NTN1: variants seen among roughly 807,000 people sequenced by gnomAD.
The protein encoded by NTN1 is netrin-1.
NTN1 carries 11 observed loss-of-function variants against 54.2 expected under a neutral mutation model. The observed-to-expected ratio is 0.20, with a 90% CI of 0.13 to 0.34. NTN1 has a LOEUF of 0.34. NTN1 is among the 10% of genes least tolerant of loss of function. The pLI is 1.00. For missense variants in NTN1, 740 were observed against 893.1 expected, an observed-to-expected ratio of 0.83 and a Z score of 2.18; for synonymous variants, 371 against 382.0, an observed-to-expected ratio of 0.97 and a Z score of 0.33.
chr17:9,011,498 T>A, the NTN1 span, among the ~76,000 whole-genome samples: 4,928 of 152,286 alleles, frequency 0.032, 240 homozygotes, highest in African/African-American at 0.11. Flanking sequence ...AATTTCTCCA[T>A]CTCAAGACCC....
At chr17:9,022,265 A>C in intron 1 of NTN1, 46 bp from the exon 2 acceptor site, 1 of 1,165,130 alleles carries the variant, frequency 8.6e-7, no homozygotes, top group Non-Finnish European at 1.1e-6. Context: ...CGAGAGCTGG[A>C]GGGCGCGGGG....
intron 2 of NTN1, among the ~76,000 whole-genome samples, chr17:9,080,202 CGTA>C: frequency 6.6e-6 from 1 of 152,350 alleles, no homozygotes; most frequent in Admixed American, 6.5e-5. Context: ...CAATGACCTT[CGTA>C]GCTAAATGCA....
Position 9,242,618 on chromosome 17 carries a change from T to G in NTN1, c.*2650T>G, listed in dbSNP as rs1195828594. Reference sequence around the variant, plus strand: ...TTCAGCCAGTGTCCTGCCCCTCCCTTCGGCTCAGCACCCCGCAGGGCACAG... The same window carrying G: ...TTCAGCCAGTGTCCTGCCCCTCCCTGCGGCTCAGCACCCCGCAGGGCACAG... On this transcript the variant is annotated 3_prime_UTR_variant, in exon 7 of 7. Coordinates refer to ENST00000173229, the MANE Select transcript of NTN1 (RefSeq NM_004822.3). The G allele has an allele frequency of 6.6e-6, 1 of 152,302 alleles. No individual in the cohort carries two copies. The highest frequency in any genetic ancestry group is 1.5e-5 in the Non-Finnish European group (1 of 68,086). 9.4% of individuals were successfully genotyped at this position (152,302 alleles called of 1,614,324 possible).
intron 2 of NTN1, among the ~76,000 whole-genome samples, chr17:9,150,142 G>T (rs548629733): frequency 6.6e-6 from 1 of 152,308 alleles, no homozygotes; most frequent in South Asian, 2.1e-4. Flanking sequence ...GGCAGAGGTT[G>T]CAGTGAGCCA....
intron 2 of NTN1, among the ~76,000 whole-genome samples, chr17:9,034,841 C>T (rs894426717): frequency 1.3e-5 from 2 of 152,202 alleles, no homozygotes; most frequent in Admixed American, 6.5e-5. Flanking sequence ...AACCAGCACC[C>T]GCATCAAGAA....
intron 4 of NTN1, among the ~76,000 whole-genome samples, chr17:9,181,455 G>A (rs2092418837): frequency 6.6e-6 from 1 of 152,310 alleles, no homozygotes; most frequent in Non-Finnish European, 1.5e-5. Flanking sequence ...CCATTCAGAT[G>A]TTGCCTCCAG....
At chr17:9,231,876 C>T (rs1195943157) in intron 6 of NTN1, among the ~76,000 whole-genome samples, 2 of 152,196 alleles carry the variant, frequency 1.3e-5, no homozygotes, top group African/African-American at 4.8e-5. Flanking sequence ...GAGGCTGGGC[C>T]CCCATTGCTG....
intron 2 of NTN1, among the ~76,000 whole-genome samples, chr17:9,098,722 G>T (rs1366475790): frequency 2.6e-5 from 4 of 152,300 alleles, no homozygotes; most frequent in African/African-American, 9.6e-5. Context: ...GTGAGATGCT[G>T]CTGGGAATGT....
At chr17:9,125,464 A>G (rs752345033) in intron 2 of NTN1, among the ~76,000 whole-genome samples, 4 of 151,924 alleles carry the variant, frequency 2.6e-5, no homozygotes, top group Non-Finnish European at 4.4e-5. Context: ...CTGACCTCAG[A>G]TGATCCGTCT....
At chr17:9,035,417 G>A (rs1316323938) in intron 2 of NTN1, among the ~76,000 whole-genome samples, 2 of 152,086 alleles carry the variant, frequency 1.3e-5, no homozygotes, top group African/African-American at 4.8e-5. Context: ...CTCCACTTAC[G>A]GCAGGCATTT....
At chr17:9,234,371 C>T (rs9902594) in intron 6 of NTN1, among the ~76,000 whole-genome samples, 25,382 of 152,130 alleles carry the variant, frequency 0.17, 2,085 homozygotes, top group African/African-American at 0.2. Flanking sequence ...ACTGCACAGA[C>T]GAGGGGTGGC....
chr17:9,163,851 T>C (rs1157378961), intron 3 of NTN1, among the ~76,000 whole-genome samples: 1 of 152,168 alleles, frequency 6.6e-6, no homozygotes, highest in Admixed American at 6.5e-5. Flanking sequence ...GCTGCAAAAC[T>C]TGTGGCCTAA....
At chr17:9,109,679 A>G (rs2092183339) in intron 2 of NTN1, among the ~76,000 whole-genome samples, 1 of 152,180 alleles carries the variant, frequency 6.6e-6, no homozygotes, top group African/African-American at 2.4e-5. Flanking sequence ...CAGCTTTACT[A>G]GATATTGTCA....
intron 2 of NTN1, among the ~76,000 whole-genome samples, chr17:9,057,672 C>T (rs1181360673): frequency 4.6e-5 from 7 of 152,180 alleles, no homozygotes; most frequent in South Asian, 2.1e-4. Flanking sequence ...CCATCAGGCA[C>T]GAAGGCAGGA....
intron 2 of NTN1, among the ~76,000 whole-genome samples, chr17:9,077,035 A>G (rs2092052617): frequency 6.6e-6 from 1 of 152,172 alleles, no homozygotes; most frequent in African/African-American, 2.4e-5. Context: ...GTAGCAGGTA[A>G]TCATCAGACA....
intron 5 of NTN1, among the ~76,000 whole-genome samples, chr17:9,193,148 A>G (rs898792859): frequency 6.6e-4 from 100 of 152,056 alleles, no homozygotes; most frequent in African/African-American, 2.2e-3. Flanking sequence ...CCATGTGACC[A>G]TGTTAAAAAA....
At chr17:9,206,442 C>T (rs956349889) in intron 5 of NTN1, among the ~76,000 whole-genome samples, 2 of 152,178 alleles carry the variant, frequency 1.3e-5, no homozygotes, top group Non-Finnish European at 2.9e-5. Flanking sequence ...CCGGCCACCC[C>T]ACCCCTGAGC....
chr17:9,137,838 C>T (rs1192562439), intron 2 of NTN1, among the ~76,000 whole-genome samples: 3 of 152,174 alleles, frequency 2.0e-5, no homozygotes, highest in Admixed American at 6.5e-5. Flanking sequence ...TGGGTACTTC[C>T]GGCATTTCCG....
In NTN1 at chr17:9,182,720, C is replaced by T. The variant is rs1016266156; in HGVS notation, c.1358-196C>T. 3.3e-5 allele frequency among the ~76,000 whole-genome samples: 5 copies of T among 152,214 alleles called. 1 individual carries two copies. Among genetic ancestry groups the T allele is most frequent in the Admixed American group, 1.3e-4 (2 of 15,284 alleles). ...CCCCTGCCAGGTGAAAGGAGAAAAACGCCACGTGCCCAGGATGCCGCTGCC... is the reference window on the plus strand; with the variant it reads ...CCCCTGCCAGGTGAAAGGAGAAAAATGCCACGTGCCCAGGATGCCGCTGCC... On this transcript the variant is annotated intron_variant, in intron 4 of 6. Transcript: ENST00000173229.
Sources: allele counts gnomAD v4.1 joint callset (sites outside exome capture counted in the v4.1 genomes callset), GRCh38; gene constraint gnomAD v4.1.1; transcripts MANE v1.5; gene names NCBI Gene and HGNC (gene_info 2026-07-23, HGNC 2026-07-21).